Variants in ADAMTS12 observed in about 807,000 individuals in gnomAD.
ADAMTS12 encodes the protein ADAM metallopeptidase with thrombospondin type 1 motif 12, also known as A disintegrin and metalloproteinase with thrombospondin motifs 12.
ADAMTS12 carries 118 observed loss-of-function variants against 167.8 expected under a neutral mutation model. The ratio of observed to expected loss-of-function variants is 0.70; its 90% CI spans 0.61 to 0.82. ADAMTS12 has a LOEUF of 0.82. ADAMTS12 is among the 40% of genes least tolerant of loss of function. The pLI is 0.00. For missense variants in ADAMTS12, 1,916 were observed against 1,998.8 expected, an observed-to-expected ratio of 0.96 and a Z score of 0.79; for synonymous variants, 704 against 716.9, an observed-to-expected ratio of 0.98 and a Z score of 0.29.
intron 3 of ADAMTS12, among the ~76,000 whole-genome samples, chr5:33,720,471 A>G (rs1743771533): frequency 6.6e-6 from 1 of 152,234 alleles, no homozygotes; most frequent in Non-Finnish European, 1.5e-5. Context: ...AATGCTAAAT[A>G]GAAAGACCAG....
intron 2 of ADAMTS12, among the ~76,000 whole-genome samples, chr5:33,867,533 T>C (rs774605307): frequency 2.0e-5 from 3 of 152,066 alleles, no homozygotes; most frequent in African/African-American, 7.2e-5. Context: ...GGGTGATGCG[T>C]GCACTAAAAT....
chr5:33,644,390 G>T (rs766313498), intron 9 of ADAMTS12, among the ~76,000 whole-genome samples: 1 of 152,176 alleles, frequency 6.6e-6, no homozygotes, highest in Non-Finnish European at 1.5e-5. Context: ...GGGAAGGGAA[G>T]TAATTTTCTC....
At chr5:33,629,915 T>G (rs1739842660) in intron 13 of ADAMTS12, among the ~76,000 whole-genome samples, 1 of 152,346 alleles carries the variant, frequency 6.6e-6, no homozygotes, top group South Asian at 2.1e-4. Flanking sequence ...TCTCTCTGTC[T>G]GTTATTTAGG....
At chr5:33,619,745 A>G (rs1025610464) in intron 14 of ADAMTS12, among the ~76,000 whole-genome samples, 2 of 152,072 alleles carry the variant, frequency 1.3e-5, no homozygotes, top group Non-Finnish European at 2.9e-5. Context: ...ACCAGGCTGG[A>G]GTGCAGTGGT....
At chr5:33,601,406 T>C (rs933167910) in intron 16 of ADAMTS12, among the ~76,000 whole-genome samples, 1 of 152,172 alleles carries the variant, frequency 6.6e-6, no homozygotes, top group Non-Finnish European at 1.5e-5. Context: ...GAGAAAAGTT[T>C]TGTAACCTGA....
rs945994318 is a variant in ADAMTS12, at chr5:33,666,770, C to T, written c.916-4730G>A. ...CCTCCCAAAGTGCTGGGATTACAGG[C>T]GTGAGCCACCATGCCCGGCCACCAT... is the stretch of plus-strand genomic sequence containing the variant. On this transcript the variant is annotated intron_variant, in intron 5 of 23. Coordinates refer to ENST00000504830, the MANE Select transcript of ADAMTS12 (RefSeq NM_030955.4). Among the ~76,000 whole-genome samples the T allele has an allele frequency of 3.3e-5, 5 of 152,208 alleles. No homozygotes were observed. The East Asian group carries it at 5.8e-4, about 18-fold the overall frequency.
intron 23 of ADAMTS12, among the ~76,000 whole-genome samples, chr5:33,527,969 T>C (rs888155546): frequency 2.0e-5 from 3 of 151,894 alleles, no homozygotes; most frequent in African/African-American, 7.3e-5. Flanking sequence ...CACATGCATG[T>C]TTATAGCAGC....
rs77567708 is a variant in ADAMTS12, at chr5:33,626,216, G to A, written c.2023-1865C>T. Among the ~76,000 whole-genome samples, 215 of 152,008 alleles carry A rather than the reference G, an allele frequency of 1.4e-3. 1 individual carries two copies. The highest frequency in any genetic ancestry group is 5.6e-3 in the South Asian group (27 of 4,782). The stretch of plus-strand genomic sequence containing the variant: ...GAAGGTGGTGATAATAGTGGTGATG[G>A]AGTAGTGGCGATGGTGATGGACAAT... On this transcript the variant is annotated intron_variant, in intron 13 of 23. Coordinates refer to ENST00000504830, the MANE Select transcript of ADAMTS12 (RefSeq NM_030955.4).
chr5:33,767,483 T>C (rs1356359874), intron 2 of ADAMTS12, among the ~76,000 whole-genome samples: 1 of 152,212 alleles, frequency 6.6e-6, no homozygotes, highest in Non-Finnish European at 1.5e-5. Flanking sequence ...TTATTTTTTG[T>C]AGCCATATAG....
At position 33,577,155 on chromosome 5, in the gene ADAMTS12, A is replaced by T. The variant is rs1167168844; in HGVS notation, c.2871T>A (p.Ser957=). ...DWTVGNWSEC[S]VSCGGGVRIR... ...TCCGCACTCCACCACCACAGGAAAC[A>T]GAACACTAGAAGAGAGAAACAGCTG... Residue 957 remains serine, a synonymous_variant, in exon 19 of 24, where the codon TCT becomes TCA. Coordinates refer to ENST00000504830, the MANE Select transcript of ADAMTS12 (RefSeq NM_030955.4). 1 of 1,614,200 alleles carries T rather than the reference A, an allele frequency of 6.2e-7. No individual in the cohort carries two copies. The highest frequency in any genetic ancestry group is 8.5e-7 in the Non-Finnish European group (1 of 1,180,028).
intron 9 of ADAMTS12, among the ~76,000 whole-genome samples, chr5:33,646,923 T>C (rs1275027240): frequency 6.6e-6 from 1 of 152,066 alleles, no homozygotes; most frequent in African/African-American, 2.4e-5. Flanking sequence ...AAATAGACTT[T>C]TATAAATAAA....
intron 16 of ADAMTS12, among the ~76,000 whole-genome samples, chr5:33,599,877 T>A (rs1198280815): frequency 6.6e-6 from 1 of 152,226 alleles, no homozygotes; most frequent in East Asian, 1.9e-4. Context: ...AGAGCAGTTA[T>A]CATTATGTGA....
At chr5:33,581,353 CT>C (rs997663310) in intron 18 of ADAMTS12, among the ~76,000 whole-genome samples, 1 of 152,116 alleles carries the variant, frequency 6.6e-6, no homozygotes, top group Non-Finnish European at 1.5e-5. Context: ...TCATTTTGCC[CT>C]CACTTATCAC....
rs1263108377 is a variant in ADAMTS12 at position 33,630,887 on chromosome 5, G to A, written c.1915C>T (p.Pro639Ser). Reference sequence around the variant, plus strand: ...TTCTCAGAAAACTGGCCATCTATGGGTCGGCAGTAGAGCTCACAAGGATGT... The same window carrying A: ...TTCTCAGAAAACTGGCCATCTATGGATCGGCAGTAGAGCTCACAAGGATGT... ...PAHPCELYCR[P>S]IDGQFSEKML... Residue 639 changes from proline to serine, a missense_variant, in exon 13 of 24, where the codon CCC (proline) becomes TCC (serine). Pro to Ser is a moderately conservative substitution (Grantham distance 74). Coordinates refer to ENST00000504830, the MANE Select transcript of ADAMTS12 (RefSeq NM_030955.4). 6.2e-7 allele frequency: 1 copy of A among 1,613,524 alleles called. No homozygotes were observed. The highest frequency in any genetic ancestry group is 8.5e-7 in the Non-Finnish European group (1 of 1,179,632).
chr5:33,870,110 C>T (rs1363942319), intron 2 of ADAMTS12, among the ~76,000 whole-genome samples: 2 of 152,196 alleles, frequency 1.3e-5, no homozygotes, highest in Non-Finnish European at 2.9e-5. Context: ...GGTTATCTCC[C>T]TTGTTCCCTG....
chr5:33,535,006 T>A lies in ADAMTS12; in HGVS notation c.4447-14A>T. The stretch of plus-strand genomic sequence containing the variant: ...GGAAGTGGAACACTGAAAGAGAAGG[T>A]GAACAGAGAGTCAGAAGTCCTCCCC... On this transcript the variant is annotated splice_polypyrimidine_tract_variant and intron_variant, in intron 22 of 23. Transcript: ENST00000504830. The A allele has an allele frequency of 1.3e-6, 2 of 1,589,088 alleles. No individual in the cohort carries two copies. The highest frequency in any genetic ancestry group is 1.7e-6 in the Non-Finnish European group (2 of 1,170,810).
At chr5:33,815,947 G>A (rs560528743) in intron 2 of ADAMTS12, among the ~76,000 whole-genome samples, 1 of 152,254 alleles carries the variant, frequency 6.6e-6, no homozygotes, top group African/African-American at 2.4e-5. Context: ...TCTCTCATGG[G>A]TCCTCCTGGT....
chr5:33,887,813 C>T (rs1353151893), intron 1 of ADAMTS12, among the ~76,000 whole-genome samples: 2 of 151,492 alleles, frequency 1.3e-5, no homozygotes, highest in South Asian at 2.1e-4. Context: ...ATGATCTTGG[C>T]GGCCCACTGC....
chr5:33,570,022 GA>G (rs1401983104), intron 19 of ADAMTS12, among the ~76,000 whole-genome samples: 6 of 152,230 alleles, frequency 3.9e-5, no homozygotes, highest in South Asian at 2.1e-4. Context: ...TGAATGAAAT[GA>G]AGCAAGAAGG....
Sources: allele counts gnomAD v4.1 joint callset (sites outside exome capture counted in the v4.1 genomes callset), GRCh38; gene constraint gnomAD v4.1.1; transcripts MANE v1.5; gene names NCBI Gene and HGNC (gene_info 2026-07-23, HGNC 2026-07-21).